NCAPG2: variants seen among roughly 807,000 people sequenced by gnomAD.
The protein encoded by NCAPG2 is non-SMC condensin II complex subunit G2, also known as condensin-2 complex subunit G2.
NCAPG2 carries 53 observed loss-of-function variants against 141.1 expected under a neutral mutation model. The ratio of observed to expected loss-of-function variants is 0.38; its 90% confidence interval spans 0.30 to 0.47. The LOEUF (loss-of-function observed/expected upper bound fraction) is 0.47. NCAPG2 is among the 20% of genes least tolerant of loss of function. NCAPG2 has a pLI of 0.99. For synonymous variants in NCAPG2, 499 were observed against 490.7 expected, an observed-to-expected ratio of 1.02 and a Z score of -0.22; for missense variants, 1,087 against 1,389.0, an observed-to-expected ratio of 0.78 and a Z score of 3.46.
At chr7:158,679,780 T>C (rs1266192159) in intron 11 of NCAPG2, among the ~76,000 whole-genome samples, 180 bp downstream of exon 11, 1 of 152,204 alleles carries the variant, frequency 6.6e-6, no homozygotes, top group Non-Finnish European at 1.5e-5. Context: ...TCCACGCTGT[T>C]ATAGAAGGCC....
At chr7:158,666,331 G>A (rs1030396986) in intron 13 of NCAPG2, among the ~76,000 whole-genome samples, 3 of 152,128 alleles carry the variant, frequency 2.0e-5, no homozygotes, top group African/African-American at 2.4e-5. Context: ...CTGACAGCGA[G>A]GTATCAAGCC....
chr7:158,675,688 C>T, intron 11 of NCAPG2, 32 bp from the exon 12 acceptor site: 1 of 1,587,914 alleles, frequency 6.3e-7, no homozygotes, highest in South Asian at 1.2e-5. Flanking sequence ...GGCTTAAAAA[C>T]CTTGACTTAT....
At chr7:158,667,524 CTTACCTACCCTGTG>C (rs1833173022) in intron 13 of NCAPG2, among the ~76,000 whole-genome samples, 3 of 63,146 alleles carry the variant, frequency 4.8e-5, no homozygotes, top group African/African-American at 1.6e-4. Context: ...CTCCGCCCTC[CTTACCTACCCTGTG>C]GCCCTCCACC....
At chr7:158,685,815 A>C (rs1834723556) in intron 8 of NCAPG2, among the ~76,000 whole-genome samples, 1 of 152,230 alleles carries the variant, frequency 6.6e-6, no homozygotes, top group Non-Finnish European at 1.5e-5. Flanking sequence ...CAACATTTTT[A>C]AAAAGTACTG....
intron 12 of NCAPG2, among the ~76,000 whole-genome samples, chr7:158,675,125 T>A (rs1405077437): frequency 1.3e-5 from 2 of 152,178 alleles, no homozygotes; most frequent in East Asian, 3.9e-4. Context: ...TGGTGATAGG[T>A]GGGAGATACT....
intron 13 of NCAPG2, among the ~76,000 whole-genome samples, chr7:158,667,528 CCTACCCTGTGGCCCTCCACCCG>C (rs1833175150): frequency 2.0e-5 from 1 of 49,644 alleles, no homozygotes. Context: ...GCCCTCCTTA[CCTACCCTGTGGCCCTCCACCCG>C]CTTACCCACT....
intron 27 of NCAPG2, among the ~76,000 whole-genome samples, chr7:158,642,276 A>C (rs1830701679): frequency 6.6e-6 from 1 of 152,242 alleles, no homozygotes. Context: ...GGTGGCTCAC[A>C]CTGGTAATCT....
At chr7:158,676,444 T>A (rs777843922) in intron 11 of NCAPG2, among the ~76,000 whole-genome samples, 6 of 152,044 alleles carry the variant, frequency 3.9e-5, no homozygotes, top group Non-Finnish European at 7.3e-5. Flanking sequence ...AGAGAAACAT[T>A]CAAACAAAAC....
chr7:158,684,923 CAG>C (rs554114533), intron 8 of NCAPG2, among the ~76,000 whole-genome samples: 2 of 152,134 alleles, frequency 1.3e-5, no homozygotes, highest in Non-Finnish European at 2.9e-5. Flanking sequence ...TGCAGAGGAG[CAG>C]AGAGGATGGA....
At chr7:158,692,471 T>C (rs1181671608) in intron 4 of NCAPG2, among the ~76,000 whole-genome samples, 3 of 152,208 alleles carry the variant, frequency 2.0e-5, no homozygotes, top group Admixed American at 2.0e-4. Context: ...AGTTTCCTTT[T>C]ACAAAGTATC....
chr7:158,647,886 T>TGTTGCCTAG (rs1415780639), intron 24 of NCAPG2, among the ~76,000 whole-genome samples: 2 of 152,136 alleles, frequency 1.3e-5, no homozygotes, highest in Non-Finnish European at 2.9e-5. Flanking sequence ...GGTCGCACCA[T>TGTTGCCTAG]GTTGCCTAGG....
At chr7:158,681,729 A>T (rs1834465222) in intron 9 of NCAPG2, among the ~76,000 whole-genome samples, 1 of 152,124 alleles carries the variant, frequency 6.6e-6, no homozygotes, top group Non-Finnish European at 1.5e-5. Flanking sequence ...TCATAGAAAA[A>T]TTTTCTAAAC....
intron 2 of NCAPG2, among the ~76,000 whole-genome samples, chr7:158,696,838 C>T (rs1835477583): frequency 6.6e-6 from 1 of 152,190 alleles, no homozygotes; most frequent in Non-Finnish European, 1.5e-5. Flanking sequence ...CTCTGCATGG[C>T]CCATTTGGAT....
intron 12 of NCAPG2, among the ~76,000 whole-genome samples, chr7:158,674,633 A>C (rs1215239401): frequency 6.6e-6 from 1 of 152,244 alleles, no homozygotes; most frequent in Non-Finnish European, 1.5e-5. Flanking sequence ...CAGGTTCCTG[A>C]GAAGTGGGGA....
chr7:158,643,719 C>A (rs1026623072), intron 27 of NCAPG2, among the ~76,000 whole-genome samples: 3 of 152,228 alleles, frequency 2.0e-5, no homozygotes, highest in Admixed American at 6.5e-5. Flanking sequence ...AAGAAAAATT[C>A]TTTGTGGTTG....
At position 158,680,024 on chromosome 7, in the gene NCAPG2, C is replaced by G; in HGVS notation, c.1082G>C (p.Arg361Thr). The G allele has an allele frequency of 6.2e-7, 1 of 1,614,078 alleles. No homozygotes were observed. The highest frequency in any genetic ancestry group is 8.5e-7 in the Non-Finnish European group (1 of 1,179,962). ...ALLFVEAFPI[R>T]DPNLHAIEMD... ...TTCAATAGCATGAAGGTTTGGATCC[C>G]TAATAGGAAATGCTTCAACAAACAA... Residue 361 changes from arginine (R) to threonine (T), a missense_variant, in exon 11 of 28, where the codon AGG becomes ACG. Transcript: ENST00000356309.
At chr7:158,660,368 G>A (rs2129459799) in intron 16 of NCAPG2, among the ~76,000 whole-genome samples, 1 of 142,600 alleles carries the variant, frequency 7.0e-6, no homozygotes, top group African/African-American at 2.6e-5. Context: ...AAATAATGCT[G>A]GTTTCTCAGT....
At position 158,634,593 on chromosome 7, in the gene NCAPG2, C is replaced by G. The variant is rs111857401; in HGVS notation, c.3381-2876G>C. Among the ~76,000 whole-genome samples, 724 of 152,188 alleles carry G rather than the reference C, an allele frequency of 4.8e-3. 3 individuals are homozygous for G. The highest frequency in any genetic ancestry group is 0.017 in the African/African-American group (699 of 41,506). ...GTAGTAAAGAGCTACTTACACTGAC[C>G]TAAGTCTAGACTGGCAACAAGAATG... On this transcript the variant is annotated intron_variant, in intron 27 of 27. Coordinates refer to ENST00000356309, the MANE Select transcript of NCAPG2 (RefSeq NM_017760.7).
At chr7:158,665,586 C>A (rs1832866373) in intron 13 of NCAPG2, among the ~76,000 whole-genome samples, 1 of 152,170 alleles carries the variant, frequency 6.6e-6, no homozygotes. Context: ...TTGGATCTTT[C>A]TTCTTTACAT....
Sources: gnomAD v4.1 joint callset for allele counts (sites outside exome capture counted in the v4.1 genomes callset) on GRCh38, gnomAD v4.1.1 for gene constraint, MANE v1.5 for transcripts, NCBI Gene and HGNC (gene_info 2026-07-23, HGNC 2026-07-21) for gene names.